Variants in ERC2 observed in about 807,000 individuals in gnomAD.
ERC2 encodes ERC protein 2.
A neutral mutation model predicts 114.8 loss-of-function variants in ERC2; 42 were observed. That is an observed-to-expected ratio of 0.37 (90% confidence interval 0.29 to 0.47). The LOEUF is 0.47. Among genes scored for constraint, ERC2 ranks in the 20% least tolerant of loss-of-function variants. The pLI is 0.99. For synonymous variants in ERC2, 454 were observed against 425.5 expected, an observed-to-expected ratio of 1.07 and a Z score of -0.82; for missense variants, 939 against 1,150.7, an observed-to-expected ratio of 0.82 and a Z score of 2.66.
At chr3:55,615,754 AGTTTCCAT>A (rs2059097221) in intron 17 of ERC2, among the ~76,000 whole-genome samples, 1 of 152,206 alleles carries the variant, frequency 6.6e-6, no homozygotes, top group Non-Finnish European at 1.5e-5. Context: ...GTGAAAATTA[AGTTTCCAT>A]GTCTTTACGA....
intron 17 of ERC2, among the ~76,000 whole-genome samples, chr3:55,619,542 T>A (rs1162237853): frequency 6.6e-6 from 1 of 152,158 alleles, no homozygotes; most frequent in East Asian, 1.9e-4. Context: ...AGATGCAAGG[T>A]TTAAGGGTAT....
chr3:55,639,106 G>A (rs1157979765), intron 17 of ERC2, among the ~76,000 whole-genome samples: 1 of 152,228 alleles, frequency 6.6e-6, no homozygotes, highest in African/African-American at 2.4e-5. Context: ...TATGTGCATA[G>A]AGGTGGAGGA....
chr3:55,838,416 C>G (rs2060992333), intron 14 of ERC2, among the ~76,000 whole-genome samples: 1 of 151,978 alleles, frequency 6.6e-6, no homozygotes, highest in Non-Finnish European at 1.5e-5. Context: ...CAAGGAAAAT[C>G]CCCAAATATT....
At chr3:55,895,859 C>T (rs754574853) in intron 13 of ERC2, among the ~76,000 whole-genome samples, 6 of 152,202 alleles carry the variant, frequency 3.9e-5, no homozygotes, top group Admixed American at 1.3e-4. Context: ...AAATACCCTT[C>T]AAGTTCTTGC....
chr3:55,680,220 A>T (rs2061992370), intron 17 of ERC2, among the ~76,000 whole-genome samples: 1 of 152,188 alleles, frequency 6.6e-6, no homozygotes, highest in African/African-American at 2.4e-5. Flanking sequence ...GGTCCTAAAA[A>T]TTTGCATATG....
rs569194249 is a variant in ERC2, at chr3:55,767,228, T to G, written c.2565-32310A>C. 4.6e-5 allele frequency among the ~76,000 whole-genome samples: 7 copies of G among 152,348 alleles called. No homozygotes were observed. The South Asian group carries it at 1.4e-3, about 32-fold the overall frequency. The stretch of plus-strand genomic sequence containing the variant: ...GTTCCAGTGGCATAATTAGTTAGCA[T>G]GCAGTGCTTATAAAATGTAAATTGC... On this transcript the variant is annotated intron_variant, in intron 14 of 17. Transcript: ENST00000288221.
chr3:56,033,054 A>AAGAAAGAAAGAAAAAAGAAAC, intron 7 of ERC2, among the ~76,000 whole-genome samples: 1 of 120,076 alleles, frequency 8.3e-6, no homozygotes, highest in East Asian at 2.4e-4. Context: ...GAAAGAAAGA[A>AAGAAAGAAAGAAAAAAGAAAC]AGAAAGAAAG....
chr3:55,988,359 C>T (rs977651677), intron 11 of ERC2, among the ~76,000 whole-genome samples: 16 of 152,202 alleles, frequency 1.1e-4, no homozygotes, highest in African/African-American at 3.4e-4. Flanking sequence ...CCCCACTGGG[C>T]CGTGCAAGAG....
intron 17 of ERC2, among the ~76,000 whole-genome samples, chr3:55,683,297 G>A (rs570433731): frequency 6.6e-6 from 1 of 152,224 alleles, no homozygotes; most frequent in East Asian, 1.9e-4. Flanking sequence ...TCCATTAAAC[G>A]GCCTTCTTAG....
At chr3:56,120,381 G>A (rs575382433) in intron 6 of ERC2, among the ~76,000 whole-genome samples, 2 of 152,184 alleles carry the variant, frequency 1.3e-5, no homozygotes, top group Non-Finnish European at 2.9e-5. Flanking sequence ...AATTTTAAGG[G>A]AAGAGGACTA....
chr3:56,086,201 C>T (rs2077492097), intron 6 of ERC2, among the ~76,000 whole-genome samples: 1 of 152,116 alleles, frequency 6.6e-6, no homozygotes, highest in Non-Finnish European at 1.5e-5. Flanking sequence ...TCTATCAGTG[C>T]CCTGTCGCAT....
In ERC2 at chr3:56,366,728, G is replaced by A. The variant is rs554404121; in HGVS notation, c.657+67623C>T. Among the ~76,000 whole-genome samples, 262 of 152,306 alleles carry A rather than the reference G, an allele frequency of 1.7e-3. 2 individuals carry two copies. The highest frequency in any genetic ancestry group is 6.8e-3 in the Middle Eastern group (2 of 292). On this transcript the variant is annotated intron_variant, in intron 2 of 17. Transcript: ENST00000288221. ...GTTGTTTGCCATGAAGACAATCACA[G>A]GGTAGAACACAGGCACAGGCCCTAT...
chr3:56,216,943 A>C (rs1269731796), intron 3 of ERC2, among the ~76,000 whole-genome samples: 2 of 152,170 alleles, frequency 1.3e-5, no homozygotes, highest in East Asian at 3.9e-4. Flanking sequence ...ATTCAACAAC[A>C]CTTCATGCTA....
chr3:55,925,320 G>C (rs1207457897), intron 13 of ERC2, among the ~76,000 whole-genome samples: 1 of 152,146 alleles, frequency 6.6e-6, no homozygotes, highest in African/African-American at 2.4e-5. Context: ...AAAGTATAGA[G>C]AGTAACTCAA....
At chr3:55,514,118 T>A (rs911086218) in intron 17 of ERC2, among the ~76,000 whole-genome samples, 1 of 152,206 alleles carries the variant, frequency 6.6e-6, no homozygotes, top group South Asian at 2.1e-4. Context: ...GATTATCAAC[T>A]AAGCGAGGTG....
rs71099629 is a variant in ERC2 at position 56,281,436 on chromosome 3, CAAAAAAAAAAAAAA to C, written c.1074+14569_1074+14582del. On this transcript the variant is annotated intron_variant, in intron 3 of 17. Transcript: ENST00000288221. Reference sequence around the variant, plus strand: ...TGGGTGACAGAGCAAGACTCCGTCTCAAAAAAAAAAAAAAAAAAAAAAAAGTATAGAGGACATTA... The same window carrying C: ...TGGGTGACAGAGCAAGACTCCGTCTCAAAAAAAAAAGTATAGAGGACATTA... 2.1e-4 allele frequency among the ~76,000 whole-genome samples: 10 copies of C among 47,530 alleles called. 1 individual carries two copies. The South Asian group carries it at 0.012, about 55-fold the overall frequency. The allele number at this position is 47,530 out of a possible 152,430, so 31.2% of individuals were successfully genotyped here.
chr3:55,557,922 T>G (rs1191915103), intron 17 of ERC2, among the ~76,000 whole-genome samples: 5 of 152,232 alleles, frequency 3.3e-5, no homozygotes. Flanking sequence ...GGCCTCCCAG[T>G]ACAGGAGTTA....
At chr3:55,980,308 C>T (rs548745543) in intron 12 of ERC2, among the ~76,000 whole-genome samples, 24 of 152,090 alleles carry the variant, frequency 1.6e-4, no homozygotes, top group South Asian at 2.1e-4. Context: ...ATTTGTTATA[C>T]GTAACAACAA....
At chr3:55,647,470 T>A (rs2148668575) in intron 17 of ERC2, among the ~76,000 whole-genome samples, 1 of 152,204 alleles carries the variant, frequency 6.6e-6, no homozygotes, top group East Asian at 1.9e-4. Flanking sequence ...AATATGATTA[T>A]CAAAGGATAA....
Sources: allele counts gnomAD v4.1 joint callset (sites outside exome capture counted in the v4.1 genomes callset), GRCh38; gene constraint gnomAD v4.1.1; transcripts MANE v1.5; gene names NCBI Gene and HGNC (gene_info 2026-07-23, HGNC 2026-07-21).